Variants in ISM1 observed in about 807,000 individuals in gnomAD.
ISM1 encodes the protein isthmin-1.
ISM1 carries 25 observed loss-of-function variants against 46.3 expected under a neutral mutation model. The ratio of observed to expected loss-of-function variants is 0.54; its 90% CI spans 0.39 to 0.75. The LOEUF is 0.75. Ranked by LOEUF, ISM1 falls within the 30% of genes least tolerant of loss-of-function variation. The pLI is 0.00. For missense variants in ISM1, 536 were observed against 625.4 expected (o/e 0.86, Z 1.52); for synonymous variants, 255 against 256.7 (o/e 0.99, Z 0.06).
At chr20:13,286,661 C>T (rs2040296635) in intron 3 of ISM1, among the ~76,000 whole-genome samples, 1 of 152,172 alleles carries the variant, frequency 6.6e-6, no homozygotes, top group Non-Finnish European at 1.5e-5. Flanking sequence ...CCACCCCCCA[C>T]CACCCCGCTC....
the ISM1 span, among the ~76,000 whole-genome samples, chr20:13,306,564 C>CAAAAAAAAAAAAAAAAAAAAGAAAA: frequency 3.1e-5 from 2 of 63,908 alleles, no homozygotes; most frequent in Non-Finnish European, 5.3e-5. Context: ...GGAGAAAGGA[C>CAAAAAAAAAAAAAAAAAAAAGAAAA]AAAAAAAAAA....
the ISM1 span, among the ~76,000 whole-genome samples, chr20:13,321,271 A>AAAAAAAAAAAAAAAAAAAAAAAAAAT: frequency 6.6e-6 from 1 of 151,014 alleles, no homozygotes; most frequent in Non-Finnish European, 1.5e-5. Flanking sequence ...AAAAAAAAAA[A>AAAAAAAAAAAAAAAAAAAAAAAAAAT]AAAAAGATTT....
intron 1 of ISM1, among the ~76,000 whole-genome samples, chr20:13,239,282 G>A (rs1366910756): frequency 6.6e-6 from 1 of 152,162 alleles, no homozygotes; most frequent in Non-Finnish European, 1.5e-5. Context: ...AACTCTGTCT[G>A]GTGTGGTTCT....
At chr20:13,312,884 C>T in the ISM1 span, among the ~76,000 whole-genome samples, 4 of 152,138 alleles carry the variant, frequency 2.6e-5, no homozygotes, top group African/African-American at 9.7e-5. Context: ...CTTCTTTTCC[C>T]CACTTTTTAT....
the ISM1 span, among the ~76,000 whole-genome samples, chr20:13,308,209 T>C: frequency 5.9e-5 from 9 of 152,128 alleles, no homozygotes; most frequent in African/African-American, 2.2e-4. Context: ...CAGGAATCCA[T>C]CATCAATGAA....
downstream of ISM1, among the ~76,000 whole-genome samples, chr20:13,302,976 G>A (rs1242792651): frequency 2.6e-5 from 4 of 152,284 alleles, no homozygotes; most frequent in African/African-American, 2.4e-5. Context: ...CTGTCTTAAC[G>A]CCGGGGATTA....
At chr20:13,295,614 T>G (rs2040399620) in intron 5 of ISM1, among the ~76,000 whole-genome samples, 1 of 152,048 alleles carries the variant, frequency 6.6e-6, no homozygotes, top group South Asian at 2.1e-4. Context: ...ATGCAAGAGA[T>G]TTTTTGAGGA....
At chr20:13,247,145 C>G (rs1473481533) in intron 1 of ISM1, among the ~76,000 whole-genome samples, 2 of 152,024 alleles carry the variant, frequency 1.3e-5, no homozygotes, top group African/African-American at 2.4e-5. Flanking sequence ...GCAGGAGAAT[C>G]ACTTGAACCT....
In ISM1 at chr20:13,221,720, T is replaced by TCAC; in HGVS notation, c.-55_-53dup. 1 of 1,322,548 alleles carries TCAC rather than the reference T, an allele frequency of 7.6e-7. No individual in the cohort carries two copies. Among genetic ancestry groups the TCAC allele is most frequent in the East Asian group, 3.2e-5 (1 of 30,816 alleles). 81.9% of individuals were successfully genotyped at this position (1,322,548 alleles called of 1,614,324 possible). On this transcript the variant is annotated 5_prime_UTR_variant, in exon 1 of 6. Coordinates refer to ENST00000262487, the MANE Select transcript of ISM1 (RefSeq NM_080826.2). Reference sequence around the variant, plus strand: ...GGCTCCTACTCCTCCTCCCCCGGCGTCACCGCCGCCGCCGCCGGCCGCCGC... The same window carrying TCAC: ...GGCTCCTACTCCTCCTCCCCCGGCGTCACCACCGCCGCCGCCGCCGGCCGCCGC...
Position 13,265,069 on chromosome 20 carries a change from C to T in ISM1, c.139-5435C>T, listed in dbSNP as rs143797620. 7.9e-5 allele frequency among the ~76,000 whole-genome samples: 12 copies of T among 152,294 alleles called. No homozygotes were observed. In the East Asian group the frequency reaches 2.3e-3, roughly 29 times the overall value. Reference sequence around the variant, plus strand: ...TGGGCCCGATGTGTATAATATTTAACTCTGTTATTTCATATGAAAACAGCA... The same window carrying T: ...TGGGCCCGATGTGTATAATATTTAATTCTGTTATTTCATATGAAAACAGCA... On this transcript the variant is annotated intron_variant, in intron 1 of 5. Transcript: ENST00000262487.
At chr20:13,275,457 G>A (rs543943685) in intron 2 of ISM1, among the ~76,000 whole-genome samples, 5 of 152,256 alleles carry the variant, frequency 3.3e-5, no homozygotes, top group East Asian at 3.9e-4. Context: ...AAGCCTGTTC[G>A]GCTCAGATTC....
At chr20:13,278,840 A>G (rs572187285) in intron 2 of ISM1, among the ~76,000 whole-genome samples, 22 of 152,304 alleles carry the variant, frequency 1.4e-4, no homozygotes, top group Non-Finnish European at 2.2e-4. Context: ...CCTCAGAGCT[A>G]GACGTGGGCT....
At position 13,299,500 on chromosome 20, in the gene ISM1, G is replaced by C; in HGVS notation, c.*41G>C. 2 of 1,546,324 alleles carry C rather than the reference G, an allele frequency of 1.3e-6. No homozygotes were observed. Among genetic ancestry groups the C allele is most frequent in the Non-Finnish European group, 1.8e-6 (2 of 1,142,434 alleles). ...GTGGAGGACGCTGCCTCTGGTTCTG[G>C]AGCACACACGTGCTGCACTGACGTG... On this transcript the variant is annotated 3_prime_UTR_variant, in exon 6 of 6. Coordinates refer to ENST00000262487, the MANE Select transcript of ISM1 (RefSeq NM_080826.2). The surrounding 1 kb of genome is among the most constrained non-coding windows in gnomAD (Gnocchi z 5.8).
intron 2 of ISM1, among the ~76,000 whole-genome samples, chr20:13,278,313 T>C (rs1300847964): frequency 6.6e-6 from 1 of 152,200 alleles, no homozygotes; most frequent in Non-Finnish European, 1.5e-5. Flanking sequence ...TCCAGGACTA[T>C]CTGCTCTGAC....
intron 1 of ISM1, among the ~76,000 whole-genome samples, chr20:13,259,443 C>G (rs2039964411): frequency 6.6e-6 from 1 of 151,942 alleles, no homozygotes; most frequent in Admixed American, 6.6e-5. Flanking sequence ...CAAAAACTGT[C>G]CAAATAAAAT....
intron 1 of ISM1, among the ~76,000 whole-genome samples, chr20:13,237,011 C>T (rs1209995917): frequency 6.6e-6 from 1 of 152,204 alleles, no homozygotes; most frequent in African/African-American, 2.4e-5. Flanking sequence ...CCTCTTCTCA[C>T]AGCTCCACTA....
chr20:13,312,719 A>T, the ISM1 span, among the ~76,000 whole-genome samples: 5 of 152,156 alleles, frequency 3.3e-5, no homozygotes, highest in Admixed American at 2.0e-4. Flanking sequence ...CCTCCAGCTG[A>T]AACACCTACT....
At chr20:13,277,164 G>A (rs576266728) in intron 2 of ISM1, among the ~76,000 whole-genome samples, 11 of 152,090 alleles carry the variant, frequency 7.2e-5, no homozygotes, top group Non-Finnish European at 1.0e-4. Flanking sequence ...TCATATTGAC[G>A]GTAATAGCTT....
At chr20:13,234,176 C>T (rs2039621947) in intron 1 of ISM1, among the ~76,000 whole-genome samples, 1 of 152,124 alleles carries the variant, frequency 6.6e-6, no homozygotes, top group Admixed American at 6.5e-5. Context: ...TCCGTGTATG[C>T]CCATTGTTTA....
Sources: allele counts gnomAD v4.1 joint callset (sites outside exome capture counted in the v4.1 genomes callset), GRCh38; gene constraint gnomAD v4.1.1; non-coding constraint Gnocchi (gnomAD v3.1); transcripts MANE v1.5; gene names NCBI Gene and HGNC (gene_info 2026-07-23, HGNC 2026-07-21).